Variants in DHRS12 observed in about 807,000 individuals in gnomAD.
DHRS12 encodes the protein dehydrogenase/reductase 12.
A neutral mutation model predicts 32.1 loss-of-function variants in DHRS12; 29 were observed. That is an observed-to-expected ratio of 0.90 (90% CI 0.67 to 1.23). The LOEUF is 1.23. Among genes scored for constraint, DHRS12 ranks in the 50% most tolerant of loss-of-function variants. The pLI, the probability that DHRS12 is intolerant of heterozygous loss-of-function variation, is 0.00. For synonymous variants in DHRS12, 150 were observed against 135.9 expected (o/e 1.10, Z -0.72); for missense variants, 330 against 337.2 (o/e 0.98, Z 0.17).
Position 51,768,142 on chromosome 13 carries a change from G to T in DHRS12, c.*45C>A, listed in dbSNP as rs1192233333. On this transcript the variant is annotated 3_prime_UTR_variant, in exon 9 of 9. Coordinates refer to ENST00000444610, the MANE Select transcript of DHRS12 (RefSeq NM_001377533.1). ...ACTGGTCCCTAGACCGCACCTTCTG[G>T]TATCTTCTAAGGCAATTCTGGTACC... The T allele has an allele frequency of 5.2e-6, 8 of 1,535,558 alleles. No homozygotes were observed. The African/African-American group carries it at 1.1e-4, about 21-fold the overall frequency.
At chr13:51,771,932 G>T in intron 6 of DHRS12, 21 bp from the exon 7 acceptor site, 1 of 1,612,994 alleles carries the variant, frequency 6.2e-7, no homozygotes, top group South Asian at 1.1e-5. Flanking sequence ...AGGAGCGAGG[G>T]GGTGAACAGG....
chr13:51,755,347 TA>T, the DHRS12 span: 1 of 1,614,150 alleles, frequency 6.2e-7, no homozygotes. Context: ...TTCTGTGCTT[TA>T]TTTGACAAGA....
chr13:51,799,509 G>A (rs781656730), intron 2 of DHRS12, 25 bp downstream of exon 2: 1 of 1,611,946 alleles, frequency 6.2e-7, no homozygotes, highest in East Asian at 2.2e-5. Context: ...GGGCTCAGTG[G>A]ACACACGTGT....
At chr13:51,760,985 G>A in the DHRS12 span, 38 of 152,334 alleles carry the variant, frequency 2.5e-4, no homozygotes, top group African/African-American at 8.9e-4. Flanking sequence ...TTTAAGTTGT[G>A]TTTTTCTGTG....
intron 7 of DHRS12, among the ~76,000 whole-genome samples, chr13:51,770,087 T>C (rs114765799): frequency 6.6e-6 from 1 of 152,216 alleles, no homozygotes; most frequent in African/African-American, 2.4e-5. Flanking sequence ...ACTGAGATCA[T>C]GGAATTTTAG....
intron 4 of DHRS12, among the ~76,000 whole-genome samples, chr13:51,788,262 C>T (rs1035160302): frequency 1.3e-5 from 2 of 152,006 alleles, no homozygotes; most frequent in Non-Finnish European, 2.9e-5. Flanking sequence ...GCTGTCCCAT[C>T]GAGTTATGAG....
intron 2 of DHRS12, among the ~76,000 whole-genome samples, chr13:51,791,556 T>C (rs975650883): frequency 2.0e-5 from 3 of 152,218 alleles, no homozygotes; most frequent in African/African-American, 7.2e-5. Context: ...GTTTTTCACT[T>C]AACAATATGT....
intron 1 of DHRS12, among the ~76,000 whole-genome samples, chr13:51,802,218 C>CACA (rs746047641): frequency 0.013 from 1,276 of 99,738 alleles, 9 homozygotes; most frequent in African/African-American, 0.019. Context: ...CACACACACA[C>CACA]GACTTTCCCA....
At chr13:51,803,980 G>A in intron 1 of DHRS12, 74 bp downstream of exon 1, 3 of 1,329,948 alleles carry the variant, frequency 2.3e-6, no homozygotes, top group Non-Finnish European at 2.9e-6. Context: ...GCGCGTCCCC[G>A]CCAACCCTGC....
intron 2 of DHRS12, among the ~76,000 whole-genome samples, chr13:51,798,980 C>G (rs1253207413): frequency 6.6e-6 from 1 of 152,222 alleles, no homozygotes; most frequent in Non-Finnish European, 1.5e-5. Flanking sequence ...TATAGTCAAG[C>G]TTAGGGGAGG....
the DHRS12 span, chr13:51,759,597 T>G: frequency 1.6e-6 from 1 of 634,944 alleles, no homozygotes; most frequent in Non-Finnish European, 2.6e-6. Context: ...ATGAAAAAAA[T>G]ATTTTACAGA....
chr13:51,773,801 G>C, intron 6 of DHRS12, 129 bp downstream of exon 6: 1 of 765,698 alleles, frequency 1.3e-6, no homozygotes, highest in South Asian at 1.7e-5. Flanking sequence ...TCTTGGTGAG[G>C]GAACATTTTC....
intron 3 of DHRS12, among the ~76,000 whole-genome samples, 163 bp downstream of exon 3, chr13:51,791,002 A>G (rs557706654): frequency 6.6e-6 from 1 of 152,248 alleles, no homozygotes; most frequent in South Asian, 2.1e-4. Flanking sequence ...GTCTCCTCTT[A>G]AATCCAATGA....
the DHRS12 span, chr13:51,762,268 G>A: frequency 2.0e-5 from 3 of 152,184 alleles, no homozygotes; most frequent in Non-Finnish European, 2.9e-5. Flanking sequence ...GACCTCATTC[G>A]GGAAGCAGAG....
the DHRS12 span, chr13:51,758,398 T>C: frequency 1.2e-6 from 1 of 849,448 alleles, no homozygotes. Flanking sequence ...AAGGTTATCC[T>C]TGGGTAGCCG....
In DHRS12 at chr13:51,799,920, T is replaced by C. The variant is rs1955675785; in HGVS notation, c.-8-253A>G. The stretch of plus-strand genomic sequence containing the variant: ...CCAACATTTTGGCATCCAAATTGTC[T>C]TCCTCTGACTGCCCCGATCCTGGGG... On this transcript the variant is annotated intron_variant, in intron 1 of 8. Transcript: ENST00000444610. Among the ~76,000 whole-genome samples, 3 of 152,178 alleles carry C rather than the reference T, an allele frequency of 2.0e-5. No homozygotes were observed. In the South Asian group the frequency reaches 6.2e-4, roughly 32 times the overall value.
intron 1 of DHRS12, among the ~76,000 whole-genome samples, chr13:51,802,649 G>A (rs1372554614): frequency 6.6e-6 from 1 of 152,240 alleles, no homozygotes; most frequent in Non-Finnish European, 1.5e-5. Flanking sequence ...GCCCAATATA[G>A]GGAGGCTTTA....
rs1955018341 is a variant in DHRS12 at position 51,787,667 on chromosome 13, G to GTA, written c.301+2342_301+2343dup. Among the ~76,000 whole-genome samples the GTA allele has an allele frequency of 4.2e-5, 6 of 141,468 alleles. No individual in the cohort carries two copies. In the South Asian group the frequency reaches 1.3e-3, roughly 30 times the overall value. 92.8% of individuals were successfully genotyped at this position (141,468 alleles called of 152,430 possible). A position where few individuals can be genotyped will look rare whatever the true frequency, so the allele number is the denominator to read the frequency against. Reference sequence around the variant, plus strand: ...CATTATAGCACTAAATTAAATATAAGTATATATATTATATTAAAAAGTATA... The same window carrying GTA: ...CATTATAGCACTAAATTAAATATAAGTATATATATATTATATTAAAAAGTATA... On this transcript the variant is annotated intron_variant, in intron 4 of 8. Transcript: ENST00000444610.
intron 1 of DHRS12, among the ~76,000 whole-genome samples, chr13:51,802,919 C>T (rs963133772): frequency 2.0e-5 from 3 of 151,992 alleles, no homozygotes; most frequent in Non-Finnish European, 4.4e-5. Context: ...TTTTTACAGT[C>T]TGCTTTCCTT....
Sources: gnomAD v4.1 joint callset for allele counts (sites outside exome capture counted in the v4.1 genomes callset) on GRCh38, gnomAD v4.1.1 for gene constraint, MANE v1.5 for transcripts, NCBI Gene and HGNC (gene_info 2026-07-23, HGNC 2026-07-21) for gene names.